Variants in AMBRA1 observed in about 807,000 individuals in gnomAD.
AMBRA1 encodes the protein activating molecule in BECN1-regulated autophagy protein 1.
A neutral mutation model predicts 125.4 loss-of-function variants in AMBRA1; 47 were observed. The ratio of observed to expected loss-of-function variants is 0.37; its 90% CI spans 0.30 to 0.48. The LOEUF is 0.48. Ranked by LOEUF, AMBRA1 falls within the 20% of genes least tolerant of loss-of-function variation. The pLI, the probability that AMBRA1 is intolerant of heterozygous loss-of-function variation, is 0.99. For synonymous variants in AMBRA1, 626 were observed against 655.5 expected, an observed-to-expected ratio of 0.95 and a Z score of 0.69; for missense variants, 1,331 against 1,693.4, an observed-to-expected ratio of 0.79 and a Z score of 3.76.
At chr11:46,584,177 G>A (rs1485724190) in intron 1 of AMBRA1, among the ~76,000 whole-genome samples, 1 of 142,164 alleles carries the variant, frequency 7.0e-6, no homozygotes, top group African/African-American at 2.7e-5. Context: ...TATACACCAC[G>A]GAATACTATG....
chr11:46,536,841 C>A (rs923468011), intron 7 of AMBRA1, among the ~76,000 whole-genome samples: 3 of 152,156 alleles, frequency 2.0e-5, no homozygotes, highest in African/African-American at 7.2e-5. Context: ...ACCTTGATGG[C>A]CACATTTCAC....
At chr11:46,565,970 C>A (rs1482283185) in intron 1 of AMBRA1, among the ~76,000 whole-genome samples, 3 of 151,952 alleles carry the variant, frequency 2.0e-5, no homozygotes, top group Non-Finnish European at 4.4e-5. Flanking sequence ...AGACAGATTG[C>A]CCAGGCTGGT....
chr11:46,414,559 AT>A (rs1445665784), intron 15 of AMBRA1, among the ~76,000 whole-genome samples: 1 of 152,008 alleles, frequency 6.6e-6, no homozygotes, highest in Non-Finnish European at 1.5e-5. Context: ...CCCCTATCAC[AT>A]TTGTAGGGCT....
At chr11:46,537,768 A>C (rs1952549095) in intron 7 of AMBRA1, among the ~76,000 whole-genome samples, 1 of 152,222 alleles carries the variant, frequency 6.6e-6, no homozygotes, top group Non-Finnish European at 1.5e-5. Flanking sequence ...CACTATTTGC[A>C]AACACTATTA....
chr11:46,562,569 T>G (rs2135243121), intron 1 of AMBRA1, among the ~76,000 whole-genome samples: 1 of 152,034 alleles, frequency 6.6e-6, no homozygotes, highest in East Asian at 1.9e-4. Context: ...AAATGAAGAG[T>G]GATTCCTAAG....
At chr11:46,549,104 C>T (rs142738055) in intron 1 of AMBRA1, 1 of 151,830 alleles carries the variant, frequency 6.6e-6, no homozygotes, top group African/African-American at 2.4e-5. Flanking sequence ...AAAAAAAAAT[C>T]AGGCTCCTTT....
chr11:46,483,578 A>G (rs892054679), intron 11 of AMBRA1, among the ~76,000 whole-genome samples: 2 of 152,182 alleles, frequency 1.3e-5, no homozygotes, highest in Non-Finnish European at 2.9e-5. Context: ...AACGAGAAAG[A>G]AAAGCTGATG....
At position 46,396,544 on chromosome 11, in the gene AMBRA1, T is replaced by C. The variant is rs1341957186; in HGVS notation, c.*906A>G. 2.0e-5 allele frequency: 3 copies of C among 152,626 alleles called. No individual in the cohort carries two copies. Among genetic ancestry groups the C allele is most frequent in the Admixed American group, 2.0e-4 (3 of 15,286 alleles). 9.5% of individuals were successfully genotyped at this position (152,626 alleles called of 1,614,324 possible). On this transcript the variant is annotated 3_prime_UTR_variant, in exon 18 of 18. Transcript: ENST00000683756. ...CAGAAAGGAAATCACATTTTCATAC[T>C]AAAAACAAAATGATCAGAGCCTTGA...
Position 46,455,061 on chromosome 11 carries a change from T to G in AMBRA1, c.2522-11463A>C, listed in dbSNP as rs528822475. ...CACACCCAGCTAATTAAAAAAAAAT[T>G]TGTTTTTGTAGATATGGGATCTCAG... is the stretch of plus-strand genomic sequence containing the variant. On this transcript the variant is annotated intron_variant, in intron 11 of 17. Coordinates refer to ENST00000683756, the MANE Select transcript of AMBRA1 (RefSeq NM_001387011.1). 3.9e-5 allele frequency among the ~76,000 whole-genome samples: 6 copies of G among 152,064 alleles called. No individual in the cohort carries two copies. In the South Asian group the frequency reaches 1.0e-3, roughly 26 times the overall value.
At chr11:46,484,487 G>A (rs1429789316) in intron 11 of AMBRA1, among the ~76,000 whole-genome samples, 1 of 152,110 alleles carries the variant, frequency 6.6e-6, no homozygotes, top group Non-Finnish European at 1.5e-5. Flanking sequence ...TTAGGTCTAG[G>A]GAAGCCCCAG....
intron 14 of AMBRA1, among the ~76,000 whole-genome samples, chr11:46,423,313 C>T (rs1946938297): frequency 6.6e-6 from 1 of 152,212 alleles, no homozygotes; most frequent in Admixed American, 6.5e-5. Flanking sequence ...ATTTCTTTTA[C>T]TGTCTCCAAA....
At chr11:46,428,898 G>A (rs568375638) in intron 14 of AMBRA1, 17 of 1,611,882 alleles carry the variant, frequency 1.1e-5, no homozygotes, top group Non-Finnish European at 1.4e-5. Context: ...TCTGGGGGCA[G>A]ATGAAGGTAA....
chr11:46,491,753 G>A (rs1439692005), intron 11 of AMBRA1, among the ~76,000 whole-genome samples: 1 of 152,184 alleles, frequency 6.6e-6, no homozygotes, highest in Non-Finnish European at 1.5e-5. Context: ...TTTCACATCT[G>A]TAAACAGCTG....
intron 1 of AMBRA1, among the ~76,000 whole-genome samples, chr11:46,584,321 A>G (rs1186599945): frequency 6.9e-6 from 1 of 144,510 alleles, no homozygotes; most frequent in Admixed American, 7.1e-5. Context: ...GGAATTGAGC[A>G]ATGAGAACAC....
At chr11:46,563,772 C>T (rs975164029) in intron 1 of AMBRA1, among the ~76,000 whole-genome samples, 1 of 146,558 alleles carries the variant, frequency 6.8e-6, no homozygotes, top group Non-Finnish European at 1.5e-5. Flanking sequence ...ACCTAGGAGA[C>T]GGTAGTTGCA....
chr11:46,551,096 CAAAAA>C (rs57293525), intron 1 of AMBRA1, among the ~76,000 whole-genome samples: 3 of 49,336 alleles, frequency 6.1e-5, no homozygotes. Context: ...GACTCCGCCT[CAAAAA>C]AAAAAAAAAA....
intron 11 of AMBRA1, among the ~76,000 whole-genome samples, chr11:46,488,473 C>T (rs1206772878): frequency 6.6e-6 from 1 of 150,406 alleles, no homozygotes; most frequent in East Asian, 1.9e-4. Context: ...AAAAAAAAAA[C>T]TGACAAAATT....
chr11:46,463,999 C>T (rs553438321), intron 11 of AMBRA1, among the ~76,000 whole-genome samples: 1 of 152,196 alleles, frequency 6.6e-6, no homozygotes, highest in Non-Finnish European at 1.5e-5. Context: ...AGATAGGGAG[C>T]TTTTCACTCT....
At chr11:46,497,446 A>G in intron 9 of AMBRA1, among the ~76,000 whole-genome samples, 1 of 152,230 alleles carries the variant, frequency 6.6e-6, no homozygotes, top group East Asian at 1.9e-4. Flanking sequence ...ATGGAGAAAT[A>G]GGAGCTAAAT....
Sources: gnomAD v4.1 joint callset for allele counts (sites outside exome capture counted in the v4.1 genomes callset) on GRCh38, gnomAD v4.1.1 for gene constraint, MANE v1.5 for transcripts, NCBI Gene and HGNC (gene_info 2026-07-23, HGNC 2026-07-21) for gene names.